Variants in SEC16B observed in about 807,000 individuals in gnomAD.
SEC16B encodes protein transport protein Sec16B.
SEC16B carries 115 observed loss-of-function variants against 141.8 expected under a neutral mutation model. That is an observed-to-expected ratio of 0.81 (90% CI 0.70 to 0.95). The LOEUF is 0.95. Among genes scored for constraint, SEC16B ranks in the 40% least tolerant of loss-of-function variants. SEC16B has a pLI of 0.00. For missense variants in SEC16B, 1,291 were observed against 1,312.3 expected (o/e 0.98, Z 0.25); for synonymous variants, 493 against 492.5 (o/e 1.00, Z -0.01).
intron 12 of SEC16B, among the ~76,000 whole-genome samples, chr1:177,949,897 C>T (rs1652036245): frequency 1.3e-5 from 2 of 151,820 alleles, no homozygotes; most frequent in African/African-American, 4.8e-5. Context: ...ACCTCTGGCT[C>T]CTCCGTTTTC....
At chr1:177,973,867 A>T (rs1436791275), upstream of SEC16B, among the ~76,000 whole-genome samples, 3 of 152,166 alleles carry the variant, frequency 2.0e-5, no homozygotes, top group Non-Finnish European at 4.4e-5. Flanking sequence ...CTAATGGAAG[A>T]AGCACAGCGG....
intron 20 of SEC16B, among the ~76,000 whole-genome samples, chr1:177,935,529 T>C (rs975714222): frequency 5.3e-5 from 8 of 152,216 alleles, no homozygotes; most frequent in African/African-American, 1.7e-4. Context: ...TATGTGAGTA[T>C]ATGTGTGTAT....
intron 10 of SEC16B, among the ~76,000 whole-genome samples, chr1:177,954,780 A>G (rs1464470567): frequency 1.3e-5 from 2 of 152,216 alleles, no homozygotes; most frequent in Admixed American, 1.3e-4. Context: ...TATGTGAGGT[A>G]ACACATATGT....
At chr1:177,983,886 G>A (rs777480036) in intron 1 of SEC16B, among the ~76,000 whole-genome samples, 4 of 152,066 alleles carry the variant, frequency 2.6e-5, no homozygotes, top group African/African-American at 9.7e-5. Flanking sequence ...TTGAAATCAC[G>A]TGTTCTTTTG....
intron 1 of SEC16B, among the ~76,000 whole-genome samples, chr1:177,982,656 C>T (rs1247288888): frequency 6.6e-6 from 1 of 152,212 alleles, no homozygotes; most frequent in Non-Finnish European, 1.5e-5. Flanking sequence ...GCTGAGGCTG[C>T]ACTGCATGGC....
At chr1:177,964,991 G>T in intron 4 of SEC16B, 56 bp downstream of exon 4, 1 of 1,595,474 alleles carries the variant, frequency 6.3e-7, no homozygotes, top group South Asian at 1.1e-5. Flanking sequence ...AGATTTGCCC[G>T]ACATAGTCTG....
intron 5 of SEC16B, 100 bp downstream of exon 5, chr1:177,964,071 C>T: frequency 1.3e-6 from 1 of 777,154 alleles, no homozygotes; most frequent in Admixed American, 2.9e-5. Context: ...GACGGCTGGC[C>T]ACTGGACATC....
rs762803359 is a variant in SEC16B, at chr1:177,941,968, C to G, written c.1954G>C (p.Ala652Pro). 1.9e-6 allele frequency: 3 copies of G among 1,614,030 alleles called. No homozygotes were observed. The highest frequency in any genetic ancestry group is 2.2e-5 in the South Asian group (2 of 91,080). The stretch of plus-strand genomic sequence containing the variant: ...TGGCTCAAGACAGCTGCACCAATGG[C>G]TTCGCAGTAATGCAAAGCCTGGGAC... ...LVSQALHYCE[A>P]IGAAVLSQGE... is the part of the protein sequence containing the mutation. The change falls in exon 16 of 26, where the codon GCC becomes CCC. Residue 652 changes from alanine to proline, a missense_variant. Physicochemically the swap from Ala to Pro is conservative, Grantham distance 27. This residue lies in a region of SEC16B where 605 missense variants were observed against 614.1 expected (regional missense o/e 0.99). Transcript: ENST00000308284.
intron 11 of SEC16B, among the ~76,000 whole-genome samples, chr1:177,953,849 C>G (rs1429570128): frequency 6.6e-6 from 1 of 151,984 alleles, no homozygotes; most frequent in Admixed American, 6.6e-5. Flanking sequence ...ACCCTGCTAC[C>G]CCACACCCCC....
Position 177,929,759 on chromosome 1 carries a change from T to C in SEC16B, c.*99A>G, listed in dbSNP as rs1316682159. ...GAGGCATCGGGCTAGCACAAACCTC[T>C]TGAGGGTCCCAATATGGTAGAGAGG... On this transcript the variant is annotated 3_prime_UTR_variant, in exon 26 of 26. Transcript: ENST00000308284. 17 of 1,370,926 alleles carry C rather than the reference T, an allele frequency of 1.2e-5. No individual in the cohort carries two copies. The highest frequency in any genetic ancestry group is 4.3e-5 in the African/African-American group (3 of 69,886). 84.9% of individuals were successfully genotyped at this position (1,370,926 alleles called of 1,614,324 possible).
rs1653676303 is a variant in SEC16B at position 177,967,891 on chromosome 1, C to T, written c.91G>A (p.Gly31Arg). 6.2e-7 allele frequency: 1 copy of T among 1,613,862 alleles called. No individual in the cohort carries two copies. The highest frequency in any genetic ancestry group is 1.3e-5 in the African/African-American group (1 of 74,914). The change falls in exon 2 of 26, where the codon GGA (glycine) becomes AGA (arginine). Residue 31 changes from glycine to arginine, a missense_variant. By Grantham distance (125) the Gly-to-Arg change is moderately radical (BLOSUM62 -2). This residue lies in a region of SEC16B where 681 missense variants were observed against 675.5 expected (regional missense o/e 1.01). Transcript: ENST00000308284. ...KDPDRGFRRD[G>R]HHRPVPHSWH... is the part of the protein sequence containing the mutation. ...GAGTGAGGGACAGGCCGATGATGTC[C>T]ATCTCTCCGAAACCCTCGGTCTGGA...
chr1:177,964,394 G>A, intron 4 of SEC16B, 115 bp from the exon 5 acceptor site: 1 of 621,166 alleles, frequency 1.6e-6, no homozygotes, highest in South Asian at 2.2e-5. Context: ...ATGTCAGCCT[G>A]GGTGCCATAG....
Position 177,937,291 on chromosome 1 carries a change from G to A in SEC16B, c.2426C>T (p.Thr809Ile). ...CTCTGTCACTGCCACGCTGCTGCCA[G>A]TCCCTGGTAGATGGGTCTCAGGAAC... The part of the protein sequence containing the change: ...YSVPETHLPG[T>I]GSSVAVTEAT... The change falls in exon 19 of 26, where the codon ACT (threonine) becomes ATT (isoleucine). Residue 809 changes from threonine to isoleucine, a missense_variant. Around this residue, in one of 3 missense-constraint regions of SEC16B, gnomAD observed 605 missense variants for 614.1 expected, o/e 0.99. Coordinates refer to ENST00000308284, the MANE Select transcript of SEC16B (RefSeq NM_033127.4). 1 of 1,613,914 alleles carries A rather than the reference G, an allele frequency of 6.2e-7. No homozygotes were observed.
chr1:177,974,389 G>A (rs1221135536), upstream of SEC16B, among the ~76,000 whole-genome samples: 3 of 152,146 alleles, frequency 2.0e-5, no homozygotes, highest in Non-Finnish European at 4.4e-5. Context: ...TAGAAGAACT[G>A]GACACAGAAA....
At chr1:177,948,036 G>GGCATTCTCTGACCACT in intron 12 of SEC16B, 94 bp from the exon 13 acceptor site, 1 of 996,736 alleles carries the variant, frequency 1.0e-6, no homozygotes, top group Non-Finnish European at 1.5e-6. Context: ...TTCAGAAGTG[G>GGCATTCTCTGACCACT]TCAGAGAATG....
chr1:177,982,214 A>G (rs546274109), intron 1 of SEC16B, among the ~76,000 whole-genome samples: 1 of 152,264 alleles, frequency 6.6e-6, no homozygotes, highest in South Asian at 2.1e-4. Flanking sequence ...GTAAGGAGGG[A>G]TTGTGTTTGC....
At chr1:177,964,092 G>A (rs1254557948) in intron 5 of SEC16B, 79 bp downstream of exon 5, 2 of 998,130 alleles carry the variant, frequency 2.0e-6, no homozygotes, top group South Asian at 1.6e-5. Flanking sequence ...CATCCCCAAG[G>A]GCCCTGTTCT....
chr1:177,929,645 A>G lies in SEC16B; in HGVS notation c.*213T>C. 1 of 576,808 alleles carries G rather than the reference A, an allele frequency of 1.7e-6. No homozygotes were observed. The highest frequency in any genetic ancestry group is 2.1e-5 in the South Asian group (1 of 48,486). 35.7% of individuals were successfully genotyped at this position (576,808 alleles called of 1,614,324 possible). On this transcript the variant is annotated 3_prime_UTR_variant, in exon 26 of 26. Coordinates refer to ENST00000308284, the MANE Select transcript of SEC16B (RefSeq NM_033127.4). ...ACCCAGACTTTCCACCTGATGAAAT[A>G]ATTTCCATCATTGTGAAGCTAATCT...
At chr1:177,973,912 C>G (rs948679068), upstream of SEC16B, among the ~76,000 whole-genome samples, 2 of 152,014 alleles carry the variant, frequency 1.3e-5, no homozygotes, top group African/African-American at 4.8e-5. Context: ...GTGTGCTGTT[C>G]AAGGCTATTC....
Sources: gnomAD v4.1 joint callset for allele counts (sites outside exome capture counted in the v4.1 genomes callset) on GRCh38, gnomAD v4.1.1 for gene constraint, gnomAD v4.1.1 regional missense constraint, MANE v1.5 for transcripts, NCBI Gene and HGNC (gene_info 2026-07-23, HGNC 2026-07-21) for gene names.